PIEZO1: variants seen among roughly 807,000 people sequenced by gnomAD.
PIEZO1 encodes piezo-type mechanosensitive ion channel component 1.
A neutral mutation model predicts 297.2 loss-of-function variants in PIEZO1; 296 were observed. That is an observed-to-expected ratio of 1.00 (90% CI 0.91 to 1.10). The LOEUF is 1.10. Among genes scored for constraint, PIEZO1 ranks in the 50% least tolerant of loss-of-function variants. The pLI is 0.00. For missense variants in PIEZO1, 5,018 were observed against 3,455.5 expected (o/e 1.45, Z -11.34); for synonymous variants, 2,427 against 1,507.5 (o/e 1.61, Z -14.13).
intron 1 of PIEZO1, among the ~76,000 whole-genome samples, chr16:88,769,447 T>C (rs1907322351): frequency 6.6e-6 from 1 of 152,364 alleles, no homozygotes; most frequent in Admixed American, 6.5e-5. Flanking sequence ...ACTTGGGGAC[T>C]GGGATGCCCA....
intron 1 of PIEZO1, among the ~76,000 whole-genome samples, chr16:88,758,660 G>T (rs1449198159): frequency 6.6e-6 from 1 of 152,210 alleles, no homozygotes; most frequent in Non-Finnish European, 1.5e-5. Context: ...GAACCCTGTG[G>T]GTCGTGTCTG....
In PIEZO1 at chr16:88,726,182, C is replaced by A. The variant is rs1440163580; in HGVS notation, c.3968+102G>T. 2.2e-5 allele frequency: 21 copies of A among 975,508 alleles called. No individual in the cohort carries two copies. The South Asian group carries it at 3.6e-4, about 17-fold the overall frequency. The allele number at this position is 975,508 out of a possible 1,614,324, so 60.4% of individuals were successfully genotyped here. A position where few individuals can be genotyped will look rare whatever the true frequency, so the allele number is the denominator to read the frequency against. ...ACGCCCATGTCACAGAGTGGCAGAGCCTGCCCTCCACGGGCCGGGGCCTGA... is the reference window on the plus strand; with the variant it reads ...ACGCCCATGTCACAGAGTGGCAGAGACTGCCCTCCACGGGCCGGGGCCTGA... On this transcript the variant is annotated intron_variant, in intron 27 of 50. Coordinates refer to ENST00000301015, the MANE Select transcript of PIEZO1 (RefSeq NM_001142864.4).
At chr16:88,743,895 G>C (rs943499812) in intron 2 of PIEZO1, 3 of 311,264 alleles carry the variant, frequency 9.6e-6, no homozygotes, top group Non-Finnish European at 1.9e-5. Context: ...AGCAGGGAGA[G>C]TGGGAAGGAG....
chr16:88,725,738 T>G, intron 27 of PIEZO1, 54 bp from the exon 28 acceptor site: 1 of 940,374 alleles, frequency 1.1e-6, no homozygotes, highest in Non-Finnish European at 1.7e-6. Flanking sequence ...CCCAGCAACA[T>G]GGGCAGCCGC....
intron 1 of PIEZO1, among the ~76,000 whole-genome samples, chr16:88,774,475 T>C (rs920984206): frequency 6.6e-6 from 1 of 152,192 alleles, no homozygotes; most frequent in South Asian, 2.1e-4. Flanking sequence ...CCAGCTGTGA[T>C]AGCCAGGACA....
At chr16:88,765,368 G>C (rs1292273295) in intron 1 of PIEZO1, among the ~76,000 whole-genome samples, 2 of 152,220 alleles carry the variant, frequency 1.3e-5, no homozygotes, top group South Asian at 2.1e-4. Flanking sequence ...GGAGAGGGAG[G>C]GGAATCTCAG....
rs1482380124 is a variant in PIEZO1 at position 88,720,623 on chromosome 16, G to C, written c.5794C>G (p.Leu1932Val). 6.5e-7 allele frequency: 1 copy of C among 1,543,122 alleles called. No homozygotes were observed. The highest frequency in any genetic ancestry group is 8.7e-7 in the Non-Finnish European group (1 of 1,144,948). The stretch of plus-strand genomic sequence containing the variant: ...CCGGCCGCCATCACTCACAGGGACA[G>C]GCAGAAGCCCTGCAGCCGCCGCCCG... Reference protein sequence around the residue: ...AAGRRLQGFCLSLAQGTYRPL... With the variant: ...AAGRRLQGFCVSLAQGTYRPL... The change falls in exon 40 of 51, where the codon CTG becomes GTG. Residue 1932 changes from leucine (L) to valine (V), a missense_variant. Coordinates refer to ENST00000301015, the MANE Select transcript of PIEZO1 (RefSeq NM_001142864.4).
At position 88,736,785 on chromosome 16, in the gene PIEZO1, C is replaced by G. The variant is rs1043740874; in HGVS notation, c.1196-46G>C. 7 of 1,250,226 alleles carry G rather than the reference C, an allele frequency of 5.6e-6. No homozygotes were observed. The Admixed American group carries it at 1.4e-4, about 25-fold the overall frequency. 77.4% of individuals were successfully genotyped at this position (1,250,226 alleles called of 1,614,324 possible). A position where few individuals can be genotyped will look rare whatever the true frequency, so the allele number is the denominator to read the frequency against. On this transcript the variant is annotated intron_variant, in intron 10 of 50. Transcript: ENST00000301015. ...CAGCTTCGGCAGGTTGATCTGCAGG[C>G]CTCCCCACCCTGACTATGCCCTAAA... is the stretch of plus-strand genomic sequence containing the variant.
chr16:88,752,205 G>A (rs761445976), intron 1 of PIEZO1, among the ~76,000 whole-genome samples: 3 of 152,238 alleles, frequency 2.0e-5, no homozygotes, highest in South Asian at 2.1e-4. Context: ...ACTTTAGGCC[G>A]GGTGTGGTGG....
At position 88,727,035 on chromosome 16, in the gene PIEZO1, C is replaced by G. The variant is rs571791933; in HGVS notation, c.3455+4G>C. On this transcript the variant is annotated splice_donor_region_variant and intron_variant, in intron 24 of 50. Transcript: ENST00000301015. ...TTCCCCGTGGAGGGTGACGTGGAACCCACCTGCAGTGGATAAAGTTGGGCA... is the reference window on the plus strand; with the variant it reads ...TTCCCCGTGGAGGGTGACGTGGAACGCACCTGCAGTGGATAAAGTTGGGCA... The G allele has an allele frequency of 1.3e-6, 2 of 1,547,918 alleles. No individual in the cohort carries two copies. The highest frequency in any genetic ancestry group is 1.4e-5 in the African/African-American group (1 of 73,158).
rs1904916275 is a variant in PIEZO1, at chr16:88,732,398, G to C, written c.2928C>G (p.Asp976Glu). Reference sequence around the variant, plus strand: ...ACTTGAGGCAGCCGAGCAGATCCTGGTCCAGCTGCTGGCGGGTGCCGCTGG... The same window carrying C: ...ACTTGAGGCAGCCGAGCAGATCCTGCTCCAGCTGCTGGCGGGTGCCGCTGG... The part of the protein sequence containing the change: ...VFASGTRQQL[D>E]QDLLGCLKYF... Residue 976 changes from aspartate (D) to glutamate (E), a missense_variant, in exon 21 of 51, where the codon GAC becomes GAG. By Grantham distance (45) the Asp-to-Glu change is conservative (BLOSUM62 2). Coordinates refer to ENST00000301015, the MANE Select transcript of PIEZO1 (RefSeq NM_001142864.4). The C allele has an allele frequency of 5.2e-6, 8 of 1,549,850 alleles. No homozygotes were observed. Among genetic ancestry groups the C allele is most frequent in the East Asian group, 2.4e-5 (1 of 40,920 alleles).
intron 1 of PIEZO1, among the ~76,000 whole-genome samples, chr16:88,762,465 CGGGGA>C (rs1364856881): frequency 1.3e-5 from 2 of 152,166 alleles, no homozygotes; most frequent in Non-Finnish European, 2.9e-5. Flanking sequence ...TCGACAATCC[CGGGGA>C]CGGCAGGACC....
At chr16:88,784,818 G>A (rs1476580221) in intron 1 of PIEZO1, 83 bp downstream of exon 1, 4 of 1,031,416 alleles carry the variant, frequency 3.9e-6, no homozygotes, top group Non-Finnish European at 5.3e-6. Context: ...CCTCGCCCCG[G>A]CCGGCGTCGT....
chr16:88,721,101 C>G, intron 39 of PIEZO1, 65 bp downstream of exon 39: 5 of 1,407,046 alleles, frequency 3.6e-6, no homozygotes, highest in Non-Finnish European at 4.7e-6. Flanking sequence ...GAGAAAGACC[C>G]TCCCTGCAGT....
intron 2 of PIEZO1, among the ~76,000 whole-genome samples, chr16:88,749,060 A>G (rs1246933309): frequency 4.6e-5 from 7 of 150,828 alleles, no homozygotes; most frequent in South Asian, 4.2e-4. Flanking sequence ...TCACGGTGAA[A>G]CCCCGTCTCT....
chr16:88,735,333 G>A (rs541307320), intron 12 of PIEZO1, 87 bp from the exon 13 acceptor site: 39 of 926,474 alleles, frequency 4.2e-5, no homozygotes, highest in Non-Finnish European at 6.5e-5. Context: ...CTATAGCAGG[G>A]GGCAAGAGCT....
At chr16:88,767,726 A>C (rs542179774) in intron 1 of PIEZO1, among the ~76,000 whole-genome samples, 2 of 152,302 alleles carry the variant, frequency 1.3e-5, no homozygotes, top group South Asian at 4.1e-4. Flanking sequence ...CCACCCAGCC[A>C]GGGAGGGGCA....
At position 88,716,195 on chromosome 16, in the gene PIEZO1, C is replaced by A; in HGVS notation, c.7129+3G>T. On this transcript the variant is annotated splice_donor_region_variant and intron_variant, in intron 49 of 50. Transcript: ENST00000301015. ...CTCCCCCAACCCCCACGCCCATACT[C>A]ACTGGGCTGCAGCTGCTTCACAGGG... 1 of 1,502,086 alleles carries A rather than the reference C, an allele frequency of 6.7e-7. No individual in the cohort carries two copies. The highest frequency in any genetic ancestry group is 1.3e-5 in the South Asian group (1 of 76,370). The allele number at this position is 1,502,086 out of a possible 1,614,324, so 93.0% of individuals were successfully genotyped here.
chr16:88,743,124 C>T (rs752994850), intron 2 of PIEZO1: 3 of 456,450 alleles, frequency 6.6e-6, no homozygotes, highest in South Asian at 1.5e-5. Flanking sequence ...CCTTGTCCTG[C>T]TCCCAGCTGC....
Sources: allele counts gnomAD v4.1 joint callset (sites outside exome capture counted in the v4.1 genomes callset), GRCh38; gene constraint gnomAD v4.1.1; transcripts MANE v1.5; gene names NCBI Gene and HGNC (gene_info 2026-07-23, HGNC 2026-07-21).